Variants in IL1RAPL1 observed in about 807,000 individuals in gnomAD.
The protein encoded by IL1RAPL1 is interleukin 1 receptor accessory protein like 1.
IL1RAPL1 carries 3 observed loss-of-function variants against 48.4 expected under a neutral mutation model. The ratio of observed to expected loss-of-function variants is 0.06; its 90% CI spans 0.03 to 0.16. The LOEUF (loss-of-function observed/expected upper bound fraction) is 0.16, where lower values mean the gene tolerates loss of function less well. Among genes scored for constraint, IL1RAPL1 ranks in the 10% least tolerant of loss-of-function variants. The pLI is 1.00. For synonymous variants in IL1RAPL1, 185 were observed against 187.7 expected (o/e 0.99, Z 0.12); for missense variants, 349 against 530.6 (o/e 0.66, Z 3.36).
At chrX:28,994,992 C>T (rs1379632141) in intron 2 of IL1RAPL1, among the ~76,000 whole-genome samples, 1 of 111,044 alleles carries the variant, frequency 9.0e-6, no homozygotes, top group Non-Finnish European at 1.9e-5. Flanking sequence ...ATGCATGAAG[C>T]TGTGTTATGT....
intron 5 of IL1RAPL1, among the ~76,000 whole-genome samples, chrX:29,624,972 G>A (rs1306449742): frequency 8.9e-6 from 1 of 111,897 alleles, no homozygotes; most frequent in Non-Finnish European, 1.9e-5. Context: ...TTTCCTGAAG[G>A]GACCAGATAG....
At chrX:29,008,411 C>T (rs1235714764) in intron 2 of IL1RAPL1, among the ~76,000 whole-genome samples, 4 of 111,688 alleles carry the variant, frequency 3.6e-5, no homozygotes, top group Non-Finnish European at 5.7e-5. Context: ...CTCCTGACCT[C>T]GTGATCTGCC....
At chrX:29,789,705 AT>A (rs1453841408) in intron 6 of IL1RAPL1, among the ~76,000 whole-genome samples, 1 of 109,033 alleles carries the variant, frequency 9.2e-6, no homozygotes, top group East Asian at 2.8e-4. Context: ...GATTCTTGTA[AT>A]TTGTCTAGGC....
At chrX:29,767,614 T>G (rs7061532) in intron 6 of IL1RAPL1, among the ~76,000 whole-genome samples, 3,211 of 111,905 alleles carry the variant, frequency 0.029, 103 homozygotes, top group African/African-American at 0.099. Context: ...TACATAGCTA[T>G]TGATTTTCAT....
chrX:28,908,052 A>G (rs1411933855), intron 2 of IL1RAPL1, among the ~76,000 whole-genome samples: 1 of 111,482 alleles, frequency 9.0e-6, no homozygotes, highest in African/African-American at 3.3e-5. Context: ...ACCATCTAAT[A>G]TCTGTGGGAT....
chrX:29,504,899 G>C (rs1206962485), intron 5 of IL1RAPL1, among the ~76,000 whole-genome samples: 2 of 78,238 alleles, frequency 2.6e-5, no homozygotes, highest in Non-Finnish European at 5.2e-5. Context: ...GGTTGTTTTA[G>C]AACTCCTCTC....
At chrX:29,492,455 G>A in intron 5 of IL1RAPL1, among the ~76,000 whole-genome samples, 1 of 111,740 alleles carries the variant, frequency 8.9e-6, no homozygotes, top group East Asian at 2.8e-4. Flanking sequence ...TATTTCTGGA[G>A]GCTCTAGGAA....
intron 1 of IL1RAPL1, among the ~76,000 whole-genome samples, chrX:28,649,252 G>A (rs1258804066): frequency 8.9e-6 from 1 of 111,860 alleles, no homozygotes; most frequent in Non-Finnish European, 1.9e-5. Context: ...GGCCTGCGGC[G>A]GTATTTGGCC....
chrX:28,812,280 A>C (rs191832576), intron 2 of IL1RAPL1, among the ~76,000 whole-genome samples: 1 of 111,141 alleles, frequency 9.0e-6, no homozygotes, highest in Non-Finnish European at 1.9e-5. Context: ...GAAAACAAAT[A>C]ATTTAACCTT....
intron 2 of IL1RAPL1, among the ~76,000 whole-genome samples, chrX:29,102,684 A>G (rs1296742092): frequency 9.0e-6 from 1 of 110,683 alleles, no homozygotes; most frequent in Admixed American, 9.6e-5. Flanking sequence ...AAAAAAAAGT[A>G]AAATTATCCT....
intron 6 of IL1RAPL1, among the ~76,000 whole-genome samples, chrX:29,757,610 AAAC>A (rs1042355133): frequency 1.2e-4 from 13 of 112,525 alleles, no homozygotes; most frequent in African/African-American, 4.2e-4. Flanking sequence ...ATTAGAAACA[AAAC>A]AAAAAGTCAA....
At chrX:28,934,637 A>G (rs768476475) in intron 2 of IL1RAPL1, among the ~76,000 whole-genome samples, 1 of 111,721 alleles carries the variant, frequency 9.0e-6, no homozygotes, top group African/African-American at 3.2e-5. Flanking sequence ...GAATAATACA[A>G]TTTGTTGTTT....
At chrX:28,804,815 T>C (rs1601910915) in intron 2 of IL1RAPL1, among the ~76,000 whole-genome samples, 1 of 111,497 alleles carries the variant, frequency 9.0e-6, no homozygotes, top group African/African-American at 3.3e-5. Flanking sequence ...TATGGACATC[T>C]TTGGAGAGTC....
At chrX:28,732,047 G>T (rs936551001) in intron 1 of IL1RAPL1, among the ~76,000 whole-genome samples, 1 of 111,249 alleles carries the variant, frequency 9.0e-6, no homozygotes, top group African/African-American at 3.3e-5. Context: ...AGGCAAGTCT[G>T]GTTAAGAGGT....
intron 5 of IL1RAPL1, among the ~76,000 whole-genome samples, chrX:29,454,683 T>A (rs1175543798): frequency 9.1e-6 from 1 of 110,301 alleles, no homozygotes; most frequent in Non-Finnish European, 1.9e-5. Flanking sequence ...AGTAGAAAAA[T>A]TGTTCAAAAA....
intron 2 of IL1RAPL1, among the ~76,000 whole-genome samples, chrX:29,166,588 TA>T (rs1929790426): frequency 8.9e-6 from 1 of 112,250 alleles, no homozygotes; most frequent in South Asian, 3.7e-4. Context: ...TGTAAAATTT[TA>T]AATTTTTTGT....
intron 9 of IL1RAPL1, among the ~76,000 whole-genome samples, chrX:29,951,675 TAAAG>T (rs1345449278): frequency 7.1e-5 from 8 of 111,904 alleles, no homozygotes; most frequent in Non-Finnish European, 1.9e-5. Context: ...GTTTTGACAT[TAAAG>T]AAATGAGATT....
intron 9 of IL1RAPL1, among the ~76,000 whole-genome samples, chrX:29,952,428 G>T (rs1472212595): frequency 8.9e-6 from 1 of 112,059 alleles, no homozygotes; most frequent in East Asian, 2.8e-4. Flanking sequence ...TATCTCTTAG[G>T]AATGTACTAT....
chrX:28,797,623 C>T (rs1039815902), intron 2 of IL1RAPL1, among the ~76,000 whole-genome samples: 3 of 111,646 alleles, frequency 2.7e-5, no homozygotes, highest in Non-Finnish European at 3.8e-5. Flanking sequence ...CGCCTCAGCC[C>T]GGACCTTATT....
Sources: gnomAD v4.1 joint callset for allele counts (sites outside exome capture counted in the v4.1 genomes callset) on GRCh38, gnomAD v4.1.1 for gene constraint, MANE v1.5 for transcripts, NCBI Gene and HGNC (gene_info 2026-07-23, HGNC 2026-07-21) for gene names.